The following TENM3 variants were observed in gnomAD, a reference collection of about 807,000 sequenced individuals.
TENM3 encodes teneurin transmembrane protein 3, also known as teneurin-3.
A neutral mutation model predicts 255.1 loss-of-function variants in TENM3; 63 were observed. The ratio of observed to expected loss-of-function variants is 0.25; its 90% CI spans 0.20 to 0.30. The LOEUF is 0.30. Ranked by LOEUF, TENM3 falls within the 10% of genes least tolerant of loss-of-function variation. The pLI is 1.00. For missense variants in TENM3, 2,929 were observed against 3,461.1 expected, an observed-to-expected ratio of 0.85 and a Z score of 3.86; for synonymous variants, 1,306 against 1,322.3, an observed-to-expected ratio of 0.99 and a Z score of 0.27.
At chr4:182,729,395 G>T (rs1254900057) in intron 14 of TENM3, among the ~76,000 whole-genome samples, 1 of 152,100 alleles carries the variant, frequency 6.6e-6, no homozygotes, top group Non-Finnish European at 1.5e-5. Flanking sequence ...GACATAACAG[G>T]ACATTATATT....
the TENM3 span, among the ~76,000 whole-genome samples, chr4:181,798,318 T>C: frequency 1.3e-5 from 2 of 152,056 alleles, no homozygotes; most frequent in African/African-American, 4.8e-5. Context: ...ATTTATTTAT[T>C]TATTTTTTGA....
chr4:182,388,456 C>T (rs949578180), intron 3 of TENM3, among the ~76,000 whole-genome samples: 19 of 152,094 alleles, frequency 1.2e-4, no homozygotes, highest in Admixed American at 3.3e-4. Context: ...TTTAATTCTC[C>T]AAAACAGTCT....
intron 1 of TENM3, among the ~76,000 whole-genome samples, chr4:182,290,190 G>A (rs1009628110): frequency 1.3e-5 from 2 of 152,152 alleles, no homozygotes; most frequent in South Asian, 2.1e-4. Flanking sequence ...GGGACCTGGC[G>A]TGTGGTAAGT....
At chr4:181,473,288 A>T in the TENM3 span, among the ~76,000 whole-genome samples, 1 of 152,132 alleles carries the variant, frequency 6.6e-6, no homozygotes, top group Non-Finnish European at 1.5e-5. Context: ...AAAACTGTTA[A>T]ATAAGAAATC....
intron 3 of TENM3, among the ~76,000 whole-genome samples, chr4:182,596,766 A>G (rs1162753627): frequency 1.3e-5 from 2 of 152,178 alleles, no homozygotes; most frequent in African/African-American, 2.4e-5. Context: ...TTTGATAGGC[A>G]CTAGAAAGCC....
the TENM3 span, among the ~76,000 whole-genome samples, chr4:181,919,796 A>G: frequency 6.6e-6 from 1 of 151,446 alleles, no homozygotes; most frequent in East Asian, 2.0e-4. Context: ...GGTTAGTTAC[A>G]TATGTATACA....
the TENM3 span, among the ~76,000 whole-genome samples, chr4:181,450,912 G>A: frequency 6.6e-6 from 1 of 152,182 alleles, no homozygotes; most frequent in Non-Finnish European, 1.5e-5. Flanking sequence ...TTAGTCCTCA[G>A]TTAATGAAGT....
At chr4:181,930,015 GC>G in the TENM3 span, among the ~76,000 whole-genome samples, 1 of 152,152 alleles carries the variant, frequency 6.6e-6, no homozygotes, top group Non-Finnish European at 1.5e-5. Flanking sequence ...CTGGAACAGA[GC>G]TAAAGCAGTG....
At chr4:182,330,654 C>T (rs370065848) in intron 2 of TENM3, among the ~76,000 whole-genome samples, 25 of 152,284 alleles carry the variant, frequency 1.6e-4, no homozygotes, top group African/African-American at 4.6e-4. Context: ...TCAGAGACCA[C>T]GTCAACAGTG....
chr4:181,925,838 A>G, the TENM3 span, among the ~76,000 whole-genome samples: 1 of 152,218 alleles, frequency 6.6e-6, no homozygotes, highest in African/African-American at 2.4e-5. Flanking sequence ...TCCTGATGTT[A>G]CAGTTTCCAA....
chr4:182,650,938 G>A (rs928102321), intron 5 of TENM3, among the ~76,000 whole-genome samples: 2 of 135,612 alleles, frequency 1.5e-5, no homozygotes, highest in African/African-American at 5.1e-5. Context: ...CAAAGCTGTT[G>A]CCTATCTGGC....
the TENM3 span, among the ~76,000 whole-genome samples, chr4:181,974,163 G>A: frequency 6.6e-6 from 1 of 152,204 alleles, no homozygotes; most frequent in Non-Finnish European, 1.5e-5. Context: ...CTCAGTCATT[G>A]GCTGGGTAGG....
chr4:181,847,653 G>T, the TENM3 span, among the ~76,000 whole-genome samples: 3 of 151,692 alleles, frequency 2.0e-5, no homozygotes, highest in Non-Finnish European at 4.4e-5. Flanking sequence ...GAAATATATT[G>T]ATAGACATAC....
chr4:182,402,540 T>C (rs912949073), intron 3 of TENM3, among the ~76,000 whole-genome samples: 77 of 152,286 alleles, frequency 5.1e-4, no homozygotes, highest in African/African-American at 1.7e-3. Flanking sequence ...TGGCCCAAAA[T>C]AAATCAAAGT....
the TENM3 span, among the ~76,000 whole-genome samples, chr4:182,062,959 T>C: frequency 2.0e-5 from 3 of 152,250 alleles, no homozygotes; most frequent in Non-Finnish European, 2.9e-5. Context: ...CAGAGAGTTA[T>C]GTTGTTTTCC....
the TENM3 span, among the ~76,000 whole-genome samples, chr4:181,499,063 G>T: frequency 6.6e-6 from 1 of 152,096 alleles, no homozygotes; most frequent in African/African-American, 2.4e-5. Context: ...AGTTTTTAAT[G>T]CTATTTCATC....
At chr4:182,026,313 A>G in the TENM3 span, among the ~76,000 whole-genome samples, 11 of 151,906 alleles carry the variant, frequency 7.2e-5, no homozygotes, top group Non-Finnish European at 8.8e-5. Context: ...GGATTGTTAG[A>G]TTTTTTTCTA....
the TENM3 span, among the ~76,000 whole-genome samples, chr4:182,083,113 C>T: frequency 6.6e-6 from 1 of 152,278 alleles, no homozygotes; most frequent in East Asian, 1.9e-4. Context: ...TAAAAGTTCA[C>T]ATACTTAAGG....
the TENM3 span, among the ~76,000 whole-genome samples, chr4:181,513,682 A>G: frequency 1.2e-4 from 19 of 152,242 alleles, no homozygotes; most frequent in Admixed American, 5.2e-4. Context: ...TATACACAAA[A>G]TATGAGCTTT....
Sources: gnomAD v4.1 joint callset for allele counts (sites outside exome capture counted in the v4.1 genomes callset) on GRCh38, gnomAD v4.1.1 for gene constraint, MANE v1.5 for transcripts, NCBI Gene and HGNC (gene_info 2026-07-23, HGNC 2026-07-21) for gene names.